SATB1: variants seen among roughly 807,000 people sequenced by gnomAD.
The protein encoded by SATB1 is SATB homeobox 1.
In SATB1, 11 loss-of-function variants were observed where a neutral mutation model predicts 86.9. The observed-to-expected ratio is 0.13, with a 90% confidence interval of 0.08 to 0.21. The LOEUF (loss-of-function observed/expected upper bound fraction) is 0.21, where lower values mean the gene tolerates loss of function less well. SATB1 is among the 10% of genes least tolerant of loss of function. SATB1 has a pLI of 1.00. For synonymous variants in SATB1, 357 were observed against 357.2 expected, an observed-to-expected ratio of 1.00 and a Z score of 0.01; for missense variants, 551 against 937.6, an observed-to-expected ratio of 0.59 and a Z score of 5.39.
At chr3:18,409,780 C>A (rs189537849) in intron 5 of SATB1, 3 of 152,030 alleles carry the variant, frequency 2.0e-5, no homozygotes, top group Admixed American at 1.3e-4. Context: ...TAATTTTATA[C>A]TGGGAAGGGG....
Position 18,415,107 on chromosome 3 carries a change from G to A in SATB1, c.639+4C>T. The A allele has an allele frequency of 6.2e-7, 1 of 1,612,624 alleles. No homozygotes were observed. Among genetic ancestry groups the A allele is most frequent in the South Asian group, 1.1e-5 (1 of 91,022 alleles). On this transcript the variant is annotated splice_donor_region_variant and intron_variant, in intron 5 of 10. Transcript: ENST00000338745. Reference sequence around the variant, plus strand: ...TATTATTTATTACATTCTATGCTAAGTACCTGTGAAAGGGGGCACTCCTTG... The same window carrying A: ...TATTATTTATTACATTCTATGCTAAATACCTGTGAAAGGGGGCACTCCTTG...
chr3:18,434,939 T>G lies in SATB1; in HGVS notation c.-25+1850A>C, dbSNP rs369984119. 13 of 152,236 alleles carry G rather than the reference T, an allele frequency of 8.5e-5. No homozygotes were observed. In the East Asian group the frequency reaches 2.5e-3, roughly 29 times the overall value. The allele number at this position is 152,236 out of a possible 1,614,324, so 9.4% of individuals were successfully genotyped here. On this transcript the variant is annotated intron_variant, in intron 2 of 3. Coordinates refer to the SATB1 transcript ENST00000414509. ...ATTCCATCTGTTACATCTGAATTCA[T>G]GCATAATTGATTATCCATGACTGGT...
At chr3:18,351,246 G>C in intron 10 of SATB1, 1 of 1,322,436 alleles carries the variant, frequency 7.6e-7, no homozygotes, top group African/African-American at 1.4e-5. Flanking sequence ...TCCTGACCTG[G>C]GGAGCAGGTC....
chr3:18,347,514 T>C lies in SATB1; in HGVS notation c.*1656A>G, dbSNP rs1694117460. ...GTGAAAAAAAAAAGCTAAGGGGTTT[T>C]TATACAGAAGGTCCATTTTTTCCCC... On this transcript the variant is annotated 3_prime_UTR_variant, in exon 11 of 11. Coordinates refer to ENST00000338745, the MANE Select transcript of SATB1 (RefSeq NM_002971.6). The C allele has an allele frequency of 6.6e-6, 1 of 152,024 alleles. No homozygotes were observed. The highest frequency in any genetic ancestry group is 1.5e-5 in the Non-Finnish European group (1 of 68,004). The allele number at this position is 152,024 out of a possible 1,614,324, so 9.4% of individuals were successfully genotyped here.
chr3:18,391,789 CCTG>C (rs1244086314), intron 7 of SATB1, among the ~76,000 whole-genome samples: 2 of 152,070 alleles, frequency 1.3e-5, no homozygotes, highest in Admixed American at 6.5e-5. Context: ...ACCCTCTGCA[CCTG>C]CTTTTATTGA....
chr3:18,349,620 T>C lies in SATB1; in HGVS notation c.1842A>G (p.Pro614=). The C allele has an allele frequency of 1.2e-6, 2 of 1,613,460 alleles. No homozygotes were observed. Among genetic ancestry groups the C allele is most frequent in the Non-Finnish European group, 8.5e-7 (1 of 1,179,944 alleles). ...GAGGGCCTGTCTGTGGCTGCTGCTG[T>C]GGCTGTGGAGGCGGCGGTGCCTGCT... ...QQQQAPPPPQ[P]QQQPQTGPRL... The change falls in exon 11 of 11, where the codon CCA becomes CCG. Residue 614 remains proline (P), a synonymous_variant. Transcript: ENST00000338745. The surrounding 1 kb of genome is among the most constrained non-coding windows in gnomAD (Gnocchi z 5.5).
chr3:18,376,566 G>T, intron 9 of SATB1, among the ~76,000 whole-genome samples: 1 of 149,322 alleles, frequency 6.7e-6, no homozygotes, highest in African/African-American at 2.5e-5. Flanking sequence ...AATGTGTGGG[G>T]TGGGCAAGTA....
chr3:18,365,537 T>C (rs1444062553), intron 9 of SATB1, among the ~76,000 whole-genome samples: 3 of 152,132 alleles, frequency 2.0e-5, no homozygotes, highest in Non-Finnish European at 2.9e-5. Context: ...GATCACTGCC[T>C]CTCAAAGAGC....
At chr3:18,418,890 A>C (rs528415739) in intron 2 of SATB1, among the ~76,000 whole-genome samples, 76 of 152,320 alleles carry the variant, frequency 5.0e-4, no homozygotes, top group Non-Finnish European at 8.4e-4. Flanking sequence ...AAAACAAAAC[A>C]AAACCAAAAA....
intron 5 of SATB1, among the ~76,000 whole-genome samples, chr3:18,405,450 G>T (rs1278007137): frequency 2.0e-5 from 3 of 151,844 alleles, no homozygotes; most frequent in Non-Finnish European, 4.4e-5. Flanking sequence ...ACCACAGAGC[G>T]AAAACAAGAA....
At chr3:18,441,090 T>C (rs1699231779), upstream of SATB1, among the ~76,000 whole-genome samples, 1 of 152,170 alleles carries the variant, frequency 6.6e-6, no homozygotes, top group Admixed American at 6.5e-5. Context: ...AGGTAAACCA[T>C]TCATAAAAAT....
chr3:18,436,863 T>C (rs1699082730), exon 2 of SATB1: 1 of 152,090 alleles, frequency 6.6e-6, no homozygotes, highest in Admixed American at 6.6e-5. Context: ...TATTACGAGG[T>C]TACAAGATCT....
chr3:18,405,833 T>C (rs557706580), intron 5 of SATB1, among the ~76,000 whole-genome samples: 9 of 152,098 alleles, frequency 5.9e-5, no homozygotes, highest in South Asian at 4.1e-4. Context: ...TTATTCATCA[T>C]TGTCAGCTTT....
At chr3:18,441,570 A>G (rs556588386), upstream of SATB1, among the ~76,000 whole-genome samples, 6 of 152,266 alleles carry the variant, frequency 3.9e-5, no homozygotes, top group South Asian at 4.1e-4. Context: ...GGAAGAAACT[A>G]TGTGTGTAAA....
At chr3:18,374,281 T>C (rs1312694340) in intron 9 of SATB1, among the ~76,000 whole-genome samples, 1 of 152,178 alleles carries the variant, frequency 6.6e-6, no homozygotes, top group Admixed American at 6.5e-5. Context: ...CATTTCCATC[T>C]CCCATATGAA....
intron 5 of SATB1, among the ~76,000 whole-genome samples, chr3:18,399,990 C>A (rs1697169244): frequency 6.6e-6 from 1 of 152,032 alleles, no homozygotes; most frequent in South Asian, 2.1e-4. Context: ...TTGGAGTAGA[C>A]CAGCCAGCCG....
At chr3:18,402,428 C>G (rs1575146059) in intron 5 of SATB1, among the ~76,000 whole-genome samples, 3 of 152,046 alleles carry the variant, frequency 2.0e-5, no homozygotes, top group African/African-American at 7.2e-5. Context: ...ATCAACCAAC[C>G]ACAGCAAAAT....
rs904331488 is a variant in SATB1, at chr3:18,346,576, G to A, written c.*2594C>T. On this transcript the variant is annotated 3_prime_UTR_variant, in exon 11 of 11. Coordinates refer to ENST00000338745, the MANE Select transcript of SATB1 (RefSeq NM_002971.6). ...CCATCCTATCAGTTTATTAACATGT[G>A]CTTGTGTGTGTGTGTGTGTGTGTGT... The A allele has an allele frequency of 1.3e-4, 12 of 94,116 alleles. No homozygotes were observed. Among genetic ancestry groups the A allele is most frequent in the African/African-American group, 3.8e-4 (11 of 28,724 alleles). 5.8% of individuals were successfully genotyped at this position (94,116 alleles called of 1,614,324 possible).
intron 8 of SATB1, among the ~76,000 whole-genome samples, chr3:18,381,452 C>A (rs563143555): frequency 6.6e-6 from 1 of 152,220 alleles, no homozygotes; most frequent in Admixed American, 6.5e-5. Context: ...TCTTAACTTG[C>A]CTAACAGCCC....
Sources: allele counts gnomAD v4.1 joint callset (sites outside exome capture counted in the v4.1 genomes callset), GRCh38; gene constraint gnomAD v4.1.1; non-coding constraint Gnocchi (gnomAD v3.1); transcripts MANE v1.5; gene names NCBI Gene and HGNC (gene_info 2026-07-23, HGNC 2026-07-21).